Variants in TNFAIP3 observed in about 807,000 individuals in gnomAD.
The protein encoded by TNFAIP3 is tumor necrosis factor alpha-induced protein 3.
In TNFAIP3, 9 loss-of-function variants were observed where a neutral mutation model predicts 72.4. The ratio of observed to expected loss-of-function variants is 0.12; its 90% CI spans 0.07 to 0.22. TNFAIP3 has a LOEUF of 0.22. Among genes scored for constraint, TNFAIP3 ranks in the 10% least tolerant of loss-of-function variants. The pLI is 1.00. For synonymous variants in TNFAIP3, 339 were observed against 372.6 expected (o/e 0.91, Z 1.04); for missense variants, 833 against 1,018.7 (o/e 0.82, Z 2.48).
Position 137,879,184 on chromosome 6 carries a change from A to G in TNFAIP3, c.1739A>G (p.His580Arg), listed in dbSNP as rs200132284. ...LVRSPSPHSC[H>R]RAGNDAPAGC... ...CGGAGCCCCTCCCCGCATTCTTGCC[A>G]CAGAGCTGGAAACGACGCCCCTGCT... Residue 580 changes from histidine (H) to arginine (R), a missense_variant, in exon 7 of 9, where the codon CAC (histidine) becomes CGC (arginine). By Grantham distance (29) the His-to-Arg change is conservative (BLOSUM62 0). This residue lies in a region of TNFAIP3 where 587 missense variants were observed against 657.8 expected (regional missense o/e 0.89). Transcript: ENST00000612899. 3 of 1,614,122 alleles carry G rather than the reference A, an allele frequency of 1.9e-6. No individual in the cohort carries two copies. The highest frequency in any genetic ancestry group is 2.7e-5 in the African/African-American group (2 of 75,038).
chr6:137,873,425 G>A (rs1194777093), intron 2 of TNFAIP3, among the ~76,000 whole-genome samples: 1 of 152,162 alleles, frequency 6.6e-6, no homozygotes, highest in African/African-American at 2.4e-5. Flanking sequence ...TGTATAATGA[G>A]TAGCCCTATT....
In TNFAIP3 at chr6:137,871,705, A is replaced by G. The variant is rs1256367200; in HGVS notation, c.295+183A>G. ...AATAGCAGACTTGTTTTGTGAATCTATTTATTAAGGATATTTTCTGATTGT... is the reference window on the plus strand; with the variant it reads ...AATAGCAGACTTGTTTTGTGAATCTGTTTATTAAGGATATTTTCTGATTGT... On this transcript the variant is annotated intron_variant, in intron 2 of 8. Transcript: ENST00000612899. This position sits in a 1 kb window ranked among gnomAD's most constrained non-coding sequence, Gnocchi z 4.2. Among the ~76,000 whole-genome samples, 5 of 152,212 alleles carry G rather than the reference A, an allele frequency of 3.3e-5. No homozygotes were observed. The East Asian group carries it at 9.6e-4, about 29-fold the overall frequency.
intron 5 of TNFAIP3, 41 bp downstream of exon 5, chr6:137,876,207 G>T (rs752418027): frequency 1.3e-6 from 2 of 1,531,998 alleles, no homozygotes; most frequent in Non-Finnish European, 1.8e-6. Context: ...ACTAGACACT[G>T]AAACATCAGG....
At chr6:137,876,549 A>G (rs1776255654) in intron 5 of TNFAIP3, among the ~76,000 whole-genome samples, 1 of 152,206 alleles carries the variant, frequency 6.6e-6, no homozygotes, top group Non-Finnish European at 1.5e-5. Context: ...GGGCTCAAGC[A>G]GTCTCTCGCT....
rs974831719 is a variant in TNFAIP3, at chr6:137,882,243, T to C, written c.*924T>C. On this transcript the variant is annotated 3_prime_UTR_variant, in exon 9 of 9. Coordinates refer to ENST00000612899, the MANE Select transcript of TNFAIP3 (RefSeq NM_001270508.2). Reference sequence around the variant, plus strand: ...TTGGGGCATGAGCTTGTGTATACACTGCTTGCATAAACTCAACCAGCTGCC... The same window carrying C: ...TTGGGGCATGAGCTTGTGTATACACCGCTTGCATAAACTCAACCAGCTGCC... 1 of 232,378 alleles carries C rather than the reference T, an allele frequency of 4.3e-6. No individual in the cohort carries two copies. The highest frequency in any genetic ancestry group is 8.5e-6 in the Non-Finnish European group (1 of 117,386). The allele number at this position is 232,378 out of a possible 1,614,324, so 14.4% of individuals were successfully genotyped here.
At chr6:137,870,586 G>C (rs1384979750) in intron 1 of TNFAIP3, among the ~76,000 whole-genome samples, 1 of 152,204 alleles carries the variant, frequency 6.6e-6, no homozygotes, top group Non-Finnish European at 1.5e-5. Context: ...TAAACTTCAT[G>C]ATTAAACACT....
intron 8 of TNFAIP3, 144 bp downstream of exon 8, chr6:137,880,396 G>A (rs1776409531): frequency 1.1e-6 from 1 of 914,112 alleles, no homozygotes; most frequent in Non-Finnish European, 1.7e-6. Flanking sequence ...GAACCTGAAG[G>A]GGAATGTCCA....
At chr6:137,867,100 G>C (rs1440871214), upstream of TNFAIP3, 1 of 150,808 alleles carries the variant, frequency 6.6e-6, no homozygotes, top group Non-Finnish European at 1.5e-5. The surrounding 1 kb of genome is among the most constrained non-coding windows in gnomAD (Gnocchi z 6.0). Flanking sequence ...AGGCCCGGTC[G>C]GGCGGAGGCC....
In TNFAIP3 at chr6:137,881,375, C is replaced by G. The variant is rs1562275206; in HGVS notation, c.*56C>G. ...AGTGGGGCCTCGAGCTGTCAGTCATCATGGTGCTATCCTCTGAACCCCTCA... is the reference window on the plus strand; with the variant it reads ...AGTGGGGCCTCGAGCTGTCAGTCATGATGGTGCTATCCTCTGAACCCCTCA... On this transcript the variant is annotated 3_prime_UTR_variant, in exon 9 of 9. Coordinates refer to ENST00000612899, the MANE Select transcript of TNFAIP3 (RefSeq NM_001270508.2). The surrounding 1 kb of genome is among the most constrained non-coding windows in gnomAD (Gnocchi z 5.0). 4.1e-6 allele frequency: 6 copies of G among 1,472,840 alleles called. No individual in the cohort carries two copies. The Admixed American group carries it at 6.6e-5, about 16-fold the overall frequency. 91.2% of individuals were successfully genotyped at this position (1,472,840 alleles called of 1,614,324 possible).
At position 137,869,968 on chromosome 6, in the gene TNFAIP3, T is replaced by G. The variant is rs115664605; in HGVS notation, c.-15-1245T>G. Among the ~76,000 whole-genome samples the G allele has an allele frequency of 5.3e-3, 802 of 152,332 alleles. 5 individuals are homozygous for G. Among genetic ancestry groups the G allele is most frequent in the African/African-American group, 0.017 (716 of 41,576 alleles). ...TTTACAGTGTTCCACACTGGAGAGA[T>G]CCTACATCATGTTAATTTGCATCAT... On this transcript the variant is annotated intron_variant, in intron 1 of 8. Coordinates refer to ENST00000612899, the MANE Select transcript of TNFAIP3 (RefSeq NM_001270508.2).
intron 5 of TNFAIP3, 152 bp downstream of exon 5, chr6:137,876,318 G>A (rs1316990676): frequency 3.0e-6 from 2 of 672,180 alleles, no homozygotes; most frequent in Non-Finnish European, 5.0e-6. Flanking sequence ...GAGTAATGCA[G>A]TAGCAGTAAT....
rs1776070446 is a variant in TNFAIP3 at position 137,871,668 on chromosome 6, G to A, written c.295+146G>A. ...AGACCTTTATATAGAATCTCTATTC[G>A]GGGTATGTGATAATAGCAGACTTGT... On this transcript the variant is annotated intron_variant, in intron 2 of 8. Coordinates refer to ENST00000612899, the MANE Select transcript of TNFAIP3 (RefSeq NM_001270508.2). The surrounding 1 kb of genome is among the most constrained non-coding windows in gnomAD (Gnocchi z 4.2). 2.0e-5 allele frequency: 18 copies of A among 890,864 alleles called. No individual in the cohort carries two copies. Among genetic ancestry groups the A allele is most frequent in the Non-Finnish European group, 2.5e-5 (15 of 595,292 alleles). 55.2% of individuals were successfully genotyped at this position (890,864 alleles called of 1,614,324 possible). A position where few individuals can be genotyped will look rare whatever the true frequency, so the allele number is the denominator to read the frequency against.
intron 2 of TNFAIP3, among the ~76,000 whole-genome samples, chr6:137,872,103 T>G (rs1055143673): frequency 1.3e-5 from 2 of 152,250 alleles, no homozygotes; most frequent in Admixed American, 6.5e-5. Context: ...GCTGAGATTT[T>G]TAGCATGAAT....
At position 137,867,980 on chromosome 6, in the gene TNFAIP3, T is replaced by A. The variant is rs949307991; in HGVS notation, c.-16+438T>A. 1.3e-5 allele frequency: 2 copies of A among 152,718 alleles called. No homozygotes were observed. Among genetic ancestry groups the A allele is most frequent in the African/African-American group, 4.8e-5 (2 of 41,394 alleles). The allele number at this position is 152,718 out of a possible 1,614,324, so 9.5% of individuals were successfully genotyped here. A position where few individuals can be genotyped will look rare whatever the true frequency, so the allele number is the denominator to read the frequency against. On this transcript the variant is annotated intron_variant, in intron 1 of 8. Transcript: ENST00000612899. The surrounding 1 kb of genome is among the most constrained non-coding windows in gnomAD (Gnocchi z 6.0). ...AGGACCAGCCCGACGGGGCGTAGGGTACCGCAGTGGCCGCCAGCCCGGCGG... is the reference window on the plus strand; with the variant it reads ...AGGACCAGCCCGACGGGGCGTAGGGAACCGCAGTGGCCGCCAGCCCGGCGG...
Position 137,879,070 on chromosome 6 carries a change from G to A in TNFAIP3, c.1625G>A (p.Arg542Lys). ...FNGICSTCFK[R>K]TTAEASSSLS... The stretch of plus-strand genomic sequence containing the variant: ...GGGATCTGCAGTACTTGCTTCAAAA[G>A]GACTACAGCAGAGGCCTCCTCCAGC... The change falls in exon 7 of 9, where the codon AGG (arginine) becomes AAG (lysine). Residue 542 changes from arginine to lysine, a missense_variant. By Grantham distance (26) the Arg-to-Lys change is conservative. Around this residue, in one of 2 missense-constraint regions of TNFAIP3, gnomAD observed 587 missense variants for 657.8 expected, o/e 0.89. Coordinates refer to ENST00000612899, the MANE Select transcript of TNFAIP3 (RefSeq NM_001270508.2). 1 of 1,614,212 alleles carries A rather than the reference G, an allele frequency of 6.2e-7. No individual in the cohort carries two copies. The highest frequency in any genetic ancestry group is 8.5e-7 in the Non-Finnish European group (1 of 1,180,044).
In TNFAIP3 at chr6:137,878,426, C is replaced by A; in HGVS notation, c.987-6C>A. The A allele has an allele frequency of 1.3e-6, 2 of 1,594,792 alleles. No individual in the cohort carries two copies. Among genetic ancestry groups the A allele is most frequent in the Non-Finnish European group, 8.6e-7 (1 of 1,167,956 alleles). ...CTCATACATATTTTTTCCTTTTGGT[C>A]TTCAGGTTGGATGAAGCTAACTTAC... On this transcript the variant is annotated splice_region_variant and splice_polypyrimidine_tract_variant and intron_variant, in intron 6 of 8. Transcript: ENST00000612899.
chr6:137,867,943 C>T lies in TNFAIP3; in HGVS notation c.-16+401C>T, dbSNP rs2114434988. ...CCTTGCAGAAGCGCTGCGGCTTTTT[C>T]CCAAATTGTGCAGGACCAGCCCGAC... On this transcript the variant is annotated intron_variant, in intron 1 of 8. Transcript: ENST00000612899. The surrounding 1 kb of genome is among the most constrained non-coding windows in gnomAD (Gnocchi z 6.0). 6.6e-6 allele frequency: 1 copy of T among 152,510 alleles called. No individual in the cohort carries two copies. Among genetic ancestry groups the T allele is most frequent in the East Asian group, 1.9e-4 (1 of 5,314 alleles). The allele number at this position is 152,510 out of a possible 1,614,324, so 9.4% of individuals were successfully genotyped here.
chr6:137,876,104 T>C lies in TNFAIP3; in HGVS notation c.743T>C (p.Ile248Thr). Reference sequence around the variant, plus strand: ...GCCCAGGAATGCTACAGATACCCCATTGTTCTCGGCTATGACAGCCATCAT... The same window carrying C: ...GCCCAGGAATGCTACAGATACCCCACTGTTCTCGGCTATGACAGCCATCAT... ...WPAQECYRYP[I>T]VLGYDSHHFV... The change falls in exon 5 of 9, where the codon ATT becomes ACT. Residue 248 changes from isoleucine (I) to threonine (T), a missense_variant. Around this residue, in one of 2 missense-constraint regions of TNFAIP3, gnomAD observed 246 missense variants for 360.9 expected, o/e 0.68. Coordinates refer to ENST00000612899, the MANE Select transcript of TNFAIP3 (RefSeq NM_001270508.2). 6.2e-7 allele frequency: 1 copy of C among 1,614,198 alleles called. No individual in the cohort carries two copies. The highest frequency in any genetic ancestry group is 8.5e-7 in the Non-Finnish European group (1 of 1,180,024).
chr6:137,873,275 A>G (rs1183385958), intron 2 of TNFAIP3, among the ~76,000 whole-genome samples: 1 of 152,208 alleles, frequency 6.6e-6, no homozygotes, highest in Non-Finnish European at 1.5e-5. Flanking sequence ...TTCAAAGGCA[A>G]TATCTGTTTG....
Sources: allele counts gnomAD v4.1 joint callset (sites outside exome capture counted in the v4.1 genomes callset), GRCh38; gene constraint gnomAD v4.1.1; regional missense constraint gnomAD v4.1.1; non-coding constraint Gnocchi (gnomAD v3.1); transcripts MANE v1.5; gene names NCBI Gene and HGNC (gene_info 2026-07-23, HGNC 2026-07-21).